Variants in KIF13A observed in about 807,000 individuals in gnomAD.
KIF13A encodes kinesin-like protein KIF13A.
In KIF13A, 79 loss-of-function variants were observed where a neutral mutation model predicts 212.2. The observed-to-expected ratio is 0.37, with a 90% CI of 0.31 to 0.45. The LOEUF (loss-of-function observed/expected upper bound fraction) is 0.45, where lower values mean the gene tolerates loss of function less well. Among genes scored for constraint, KIF13A ranks in the 20% least tolerant of loss-of-function variants. The pLI, the probability that KIF13A is intolerant of heterozygous loss-of-function variation, is 1.00. For synonymous variants in KIF13A, 789 were observed against 808.6 expected, an observed-to-expected ratio of 0.98 and a Z score of 0.41; for missense variants, 1,901 against 2,209.0, an observed-to-expected ratio of 0.86 and a Z score of 2.79.
In KIF13A at chr6:17,961,697, T is replaced by C. The variant is rs76240413; in HGVS notation, c.146+25357A>G. ...CTTGTTTTCTTCTTATATACAATTG[T>C]ATAACAGTTATTTTCCTGTTTGCAT... On this transcript the variant is annotated intron_variant, in intron 2 of 38. Transcript: ENST00000259711. The surrounding 1 kb of genome is among the most constrained non-coding windows in gnomAD (Gnocchi z 4.1). Among the ~76,000 whole-genome samples, 10,275 of 152,266 alleles carry C rather than the reference T, an allele frequency of 0.067. 401 individuals carry two copies. Among genetic ancestry groups the C allele is most frequent in the Middle Eastern group, 0.092 (27 of 294 alleles).
At chr6:17,893,441 T>C (rs74931919) in intron 3 of KIF13A, among the ~76,000 whole-genome samples, 8,669 of 152,292 alleles carry the variant, frequency 0.057, 297 homozygotes, top group Middle Eastern at 0.085. Flanking sequence ...TAAAGAAATA[T>C]ATTTTGACCT....
In KIF13A at chr6:17,777,384, T is replaced by C. The variant is rs74634529; in HGVS notation, c.4093-30A>G. 102 of 850,408 alleles carry C rather than the reference T, an allele frequency of 1.2e-4. No homozygotes were observed. In the East Asian group the frequency reaches 4.3e-3, roughly 35 times the overall value. The allele number at this position is 850,408 out of a possible 1,614,324, so 52.7% of individuals were successfully genotyped here. On this transcript the variant is annotated intron_variant, in intron 33 of 38. Coordinates refer to ENST00000259711, the MANE Select transcript of KIF13A (RefSeq NM_022113.6). The surrounding 1 kb of genome is among the most constrained non-coding windows in gnomAD (Gnocchi z 4.4). Reference sequence around the variant, plus strand: ...AAACATAATAATTTGAAAATAACACTTTTTTTTTTTTTCCCCAGAGACAGA... The same window carrying C: ...AAACATAATAATTTGAAAATAACACCTTTTTTTTTTTTCCCCAGAGACAGA...
In KIF13A at chr6:17,799,185, TG is replaced by T; in HGVS notation, c.2790+80del. 1.1e-6 allele frequency: 1 copy of T among 948,928 alleles called. No homozygotes were observed. The highest frequency in any genetic ancestry group is 1.5e-6 in the Non-Finnish European group (1 of 683,280). The allele number at this position is 948,928 out of a possible 1,614,324, so 58.8% of individuals were successfully genotyped here. A position where few individuals can be genotyped will look rare whatever the true frequency, so the allele number is the denominator to read the frequency against. On this transcript the variant is annotated intron_variant, in intron 22 of 38. Coordinates refer to ENST00000259711, the MANE Select transcript of KIF13A (RefSeq NM_022113.6). The surrounding 1 kb of genome is among the most constrained non-coding windows in gnomAD (Gnocchi z 4.4). ...ATAAACATATTATACTTAAAACAAA[TG>T]CTTGTGGGGACAACTGATTGTTGAA...
intron 32 of KIF13A, among the ~76,000 whole-genome samples, chr6:17,779,374 C>T (rs1318859683): frequency 2.7e-5 from 4 of 148,646 alleles, no homozygotes; most frequent in Non-Finnish European, 4.4e-5. Flanking sequence ...CAGGTTCAAG[C>T]GATTCTCCTG....
rs1383109527 is a variant in KIF13A at position 17,825,924 on chromosome 6, G to T, written c.1630C>A (p.Pro544Thr). The change falls in exon 16 of 39, where the codon CCT becomes ACT. Residue 544 changes from proline (P) to threonine (T), a missense_variant. By Grantham distance (38) the Pro-to-Thr change is conservative (BLOSUM62 -1). Transcript: ENST00000259711. This position sits in a 1 kb window ranked among gnomAD's most constrained non-coding sequence, Gnocchi z 4.5. ...GNNHFFRINL[P>T]KRKRRDWLKD... ...AACCAATCTCGACGTTTCCTCTTAGGTAAGTTTATTCTGTGGGGTTTTTCA... is the reference window on the plus strand; with the variant it reads ...AACCAATCTCGACGTTTCCTCTTAGTTAAGTTTATTCTGTGGGGTTTTTCA... 1 of 1,613,856 alleles carries T rather than the reference G, an allele frequency of 6.2e-7. No individual in the cohort carries two copies. The highest frequency in any genetic ancestry group is 8.5e-7 in the Non-Finnish European group (1 of 1,179,852).
chr6:17,822,040 C>CTTAT, intron 16 of KIF13A: 72 of 615,840 alleles, frequency 1.2e-4, no homozygotes, highest in Middle Eastern at 4.9e-4. Flanking sequence ...GGAAACATAA[C>CTTAT]TTCTTTTTTT....
chr6:17,934,249 T>G lies in KIF13A; in HGVS notation c.147-36069A>C, dbSNP rs1776261765. 6.6e-6 allele frequency among the ~76,000 whole-genome samples: 1 copy of G among 152,144 alleles called. No individual in the cohort carries two copies. The highest frequency in any genetic ancestry group is 2.4e-5 in the African/African-American group (1 of 41,416). On this transcript the variant is annotated intron_variant, in intron 2 of 38. Coordinates refer to ENST00000259711, the MANE Select transcript of KIF13A (RefSeq NM_022113.6). The surrounding 1 kb of genome is among the most constrained non-coding windows in gnomAD (Gnocchi z 5.4). ...CATTGGCCTTCTTCAAATTCTTAAG[T>G]GACCTGTGTGAGGTCAGAGCAGAGG... is the stretch of plus-strand genomic sequence containing the variant.
Position 17,781,295 on chromosome 6 carries a change from T to G in KIF13A, c.3551A>C (p.Asp1184Ala). Residue 1184 changes from aspartate (D) to alanine (A), a missense_variant, in exon 30 of 39, where the codon GAC (aspartate) becomes GCC (alanine). This residue lies in a region of KIF13A where 687 missense variants were observed against 759.1 expected (regional missense o/e 0.90). Transcript: ENST00000259711. ...PVLFLDLNAD[D>A]LSANEQLVGP... Reference sequence around the variant, plus strand: ...AACAAGCTGCTCATTGGCACTGAGGTCATCCGCTAACCACATCAGGAGCAC... The same window carrying G: ...AACAAGCTGCTCATTGGCACTGAGGGCATCCGCTAACCACATCAGGAGCAC... The G allele has an allele frequency of 6.2e-7, 1 of 1,604,764 alleles. No individual in the cohort carries two copies. The highest frequency in any genetic ancestry group is 8.5e-7 in the Non-Finnish European group (1 of 1,176,494).
chr6:17,881,656 C>A, intron 3 of KIF13A: 1 of 346,728 alleles, frequency 2.9e-6, no homozygotes, highest in Non-Finnish European at 5.6e-6. Flanking sequence ...GCGATTGCGC[C>A]ACTGCACTCC....
At chr6:17,823,178 A>G (rs1764620820) in intron 16 of KIF13A, among the ~76,000 whole-genome samples, 1 of 151,832 alleles carries the variant, frequency 6.6e-6, no homozygotes, top group African/African-American at 2.4e-5. Flanking sequence ...CTGGGATTAC[A>G]GGCACCTGCC....
intron 2 of KIF13A, among the ~76,000 whole-genome samples, chr6:17,976,068 T>A (rs1780417155): frequency 1.3e-5 from 2 of 152,212 alleles, no homozygotes; most frequent in South Asian, 4.1e-4. Context: ...GTATTTACAG[T>A]CCCTGAGCTA....
chr6:17,790,118 A>G (rs955556589), intron 25 of KIF13A, among the ~76,000 whole-genome samples: 1 of 152,236 alleles, frequency 6.6e-6, no homozygotes, highest in Non-Finnish European at 1.5e-5. Context: ...TCATTGAAAC[A>G]TAAAAACTTG....
Position 17,811,598 on chromosome 6 carries a change from T to G in KIF13A, c.2001-2668A>C, listed in dbSNP as rs925375083. On this transcript the variant is annotated intron_variant, in intron 17 of 38. Coordinates refer to ENST00000259711, the MANE Select transcript of KIF13A (RefSeq NM_022113.6). The surrounding 1 kb of genome is among the most constrained non-coding windows in gnomAD (Gnocchi z 6.0). ...ACCAGCGTTTAAATTTACTTGATTC[T>G]CAACCCATCAACATTCATGTAGGTA... Among the ~76,000 whole-genome samples, 1 of 152,208 alleles carries G rather than the reference T, an allele frequency of 6.6e-6. No individual in the cohort carries two copies. The highest frequency in any genetic ancestry group is 2.4e-5 in the African/African-American group (1 of 41,466).
At chr6:17,865,567 T>C (rs1581573844) in intron 4 of KIF13A, among the ~76,000 whole-genome samples, 1 of 152,200 alleles carries the variant, frequency 6.6e-6, no homozygotes, top group Non-Finnish European at 1.5e-5. Flanking sequence ...TTTAAATAAA[T>C]TCCTTTCTCA....
At chr6:17,975,827 C>A (rs563766605) in intron 2 of KIF13A, among the ~76,000 whole-genome samples, 2 of 152,124 alleles carry the variant, frequency 1.3e-5, no homozygotes, top group Admixed American at 6.5e-5. Flanking sequence ...GGTGCATTCA[C>A]GAACCCTGAG....
intron 2 of KIF13A, among the ~76,000 whole-genome samples, chr6:17,966,495 A>G (rs1439273378): frequency 2.6e-5 from 2 of 76,986 alleles, no homozygotes; most frequent in Admixed American, 1.2e-4. Flanking sequence ...AAAAGTTCTG[A>G]AAAAAAAAAA....
chr6:17,813,411 T>C (rs1347905119), intron 17 of KIF13A, among the ~76,000 whole-genome samples: 2 of 152,042 alleles, frequency 1.3e-5, no homozygotes, highest in East Asian at 1.9e-4. Context: ...ACCTGGGAGA[T>C]GGAGGTTGCA....
At chr6:17,974,590 A>AG (rs1440021446) in intron 2 of KIF13A, among the ~76,000 whole-genome samples, 1 of 150,396 alleles carries the variant, frequency 6.6e-6, no homozygotes. Flanking sequence ...AGTAAAATGG[A>AG]GTTTTTTTTA....
Position 17,918,859 on chromosome 6 carries a change from C to T in KIF13A, c.147-20679G>A, listed in dbSNP as rs1185314598. ...TCACTGTGCTTTGTTTCCTTCTCAG[C>T]ACCTTTCGCCATGTTAAACCATTTC... On this transcript the variant is annotated intron_variant, in intron 2 of 38. Coordinates refer to ENST00000259711, the MANE Select transcript of KIF13A (RefSeq NM_022113.6). This position sits in a 1 kb window ranked among gnomAD's most constrained non-coding sequence, Gnocchi z 4.8. Among the ~76,000 whole-genome samples the T allele has an allele frequency of 6.6e-6, 1 of 152,156 alleles. No individual in the cohort carries two copies. The highest frequency in any genetic ancestry group is 6.5e-5 in the Admixed American group (1 of 15,268).
Sources: gnomAD v4.1 joint callset for allele counts (sites outside exome capture counted in the v4.1 genomes callset) on GRCh38, gnomAD v4.1.1 for gene constraint, gnomAD v4.1.1 regional missense constraint, Gnocchi (gnomAD v3.1) non-coding constraint, MANE v1.5 for transcripts, NCBI Gene and HGNC (gene_info 2026-07-23, HGNC 2026-07-21) for gene names.